Variants in PARD3 observed in about 807,000 individuals in gnomAD.
PARD3 encodes the protein par-3 family cell polarity regulator, also known as partitioning defective 3 homolog.
PARD3 carries 75 observed loss-of-function variants against 155.4 expected under a neutral mutation model. The observed-to-expected ratio is 0.48, with a 90% CI of 0.40 to 0.58. The LOEUF is 0.58. Among genes scored for constraint, PARD3 ranks in the 20% least tolerant of loss-of-function variants. The pLI is 0.00. For missense variants in PARD3, 1,642 were observed against 1,721.7 expected, an observed-to-expected ratio of 0.95 and a Z score of 0.82; for synonymous variants, 576 against 610.5, an observed-to-expected ratio of 0.94 and a Z score of 0.83.
intron 2 of PARD3, among the ~76,000 whole-genome samples, chr10:34,657,401 A>G (rs1356139772): frequency 6.6e-6 from 1 of 152,224 alleles, no homozygotes; most frequent in South Asian, 2.1e-4. Context: ...CCAAAAAAAA[A>G]GTCTACTTCG....
In PARD3 at chr10:34,797,204, G is replaced by A. The variant is rs1842361878; in HGVS notation, c.120+17672C>T. On this transcript the variant is annotated intron_variant, in intron 1 of 24. Transcript: ENST00000374788. Reference sequence around the variant, plus strand: ...CTTGCTCTGTCACCCAGGCTGCAGTGCAGGGGCACAACCATAACTGACTGC... The same window carrying A: ...CTTGCTCTGTCACCCAGGCTGCAGTACAGGGGCACAACCATAACTGACTGC... Among the ~76,000 whole-genome samples, 3 of 152,184 alleles carry A rather than the reference G, an allele frequency of 2.0e-5. No homozygotes were observed. In the South Asian group the frequency reaches 6.2e-4, roughly 32 times the overall value.
chr10:34,115,161 T>G (rs1034935504), intron 24 of PARD3, among the ~76,000 whole-genome samples: 17 of 151,768 alleles, frequency 1.1e-4, no homozygotes, highest in African/African-American at 3.9e-4. Flanking sequence ...AGTTGGGAAG[T>G]AGATTGGAGA....
intron 2 of PARD3, among the ~76,000 whole-genome samples, chr10:34,674,478 A>ATT (rs11402018): frequency 0.015 from 1,225 of 79,508 alleles, 101 homozygotes; most frequent in South Asian, 0.042. Flanking sequence ...CACGCTCTTG[A>ATT]TTTTTTTTTT....
chr10:34,259,221 G>A (rs987492280), intron 22 of PARD3, among the ~76,000 whole-genome samples: 3 of 152,112 alleles, frequency 2.0e-5, no homozygotes, highest in African/African-American at 2.4e-5. Context: ...ACAAATACAC[G>A]ATGGGTACTG....
At chr10:34,550,549 C>G (rs2084464721) in intron 2 of PARD3, among the ~76,000 whole-genome samples, 1 of 151,904 alleles carries the variant, frequency 6.6e-6, no homozygotes, top group South Asian at 2.1e-4. Flanking sequence ...CCTTTACCAC[C>G]TAGAAAAAAA....
intron 18 of PARD3, among the ~76,000 whole-genome samples, chr10:34,335,785 T>G (rs557712979): frequency 1.8e-4 from 27 of 152,082 alleles, no homozygotes; most frequent in Non-Finnish European, 3.5e-4. Context: ...ATTGGCACTA[T>G]TATCTTTCAA....
chr10:34,747,511 T>C (rs999917224), intron 1 of PARD3, among the ~76,000 whole-genome samples: 3 of 152,192 alleles, frequency 2.0e-5, no homozygotes, highest in South Asian at 2.1e-4. Flanking sequence ...ATCCTCATAG[T>C]GGTAACTTTT....
At chr10:34,423,103 A>T (rs2075405585) in intron 5 of PARD3, among the ~76,000 whole-genome samples, 1 of 152,178 alleles carries the variant, frequency 6.6e-6, no homozygotes, top group South Asian at 2.1e-4. Context: ...AGATACATAC[A>T]TACACAAACA....
At chr10:34,590,154 T>C (rs1434883297) in intron 2 of PARD3, among the ~76,000 whole-genome samples, 5 of 152,166 alleles carry the variant, frequency 3.3e-5, no homozygotes, top group Non-Finnish European at 7.3e-5. Context: ...TCTCTTTCAC[T>C]GCAAATGGGC....
chr10:34,295,181 T>A (rs1589086385), intron 20 of PARD3, among the ~76,000 whole-genome samples: 1 of 152,210 alleles, frequency 6.6e-6, no homozygotes, highest in African/African-American at 2.4e-5. Context: ...AAATATTATT[T>A]ACGACTCAAC....
At chr10:34,123,709 T>C (rs1326877552) in intron 23 of PARD3, among the ~76,000 whole-genome samples, 1 of 152,182 alleles carries the variant, frequency 6.6e-6, no homozygotes, top group Non-Finnish European at 1.5e-5. Flanking sequence ...TGCTGGAGAT[T>C]ACATGCTTGT....
chr10:34,668,392 C>CA (rs2093541536), intron 2 of PARD3, among the ~76,000 whole-genome samples: 1 of 152,160 alleles, frequency 6.6e-6, no homozygotes, highest in Non-Finnish European at 1.5e-5. Context: ...CTGCTCAGTG[C>CA]AACTGAATCA....
At chr10:34,383,989 A>G in intron 8 of PARD3, 140 bp downstream of exon 8, 1 of 762,338 alleles carries the variant, frequency 1.3e-6, no homozygotes. Flanking sequence ...GTATGTTTAA[A>G]TTTTTAAAAG....
At chr10:34,381,104 T>C (rs1841776608) in intron 9 of PARD3, among the ~76,000 whole-genome samples, 1 of 152,078 alleles carries the variant, frequency 6.6e-6, no homozygotes, top group Non-Finnish European at 1.5e-5. Context: ...AATAAGAAAC[T>C]TGAGGTTCAC....
chr10:34,263,660 AAAG>A (rs1344513496), intron 22 of PARD3, among the ~76,000 whole-genome samples: 1 of 152,036 alleles, frequency 6.6e-6, no homozygotes, highest in Non-Finnish European at 1.5e-5. Flanking sequence ...CAAAGAAAAA[AAAG>A]AAGAGCCCAG....
chr10:34,745,103 TG>T (rs1190686049), intron 1 of PARD3, among the ~76,000 whole-genome samples: 1 of 152,190 alleles, frequency 6.6e-6, no homozygotes, highest in East Asian at 1.9e-4. Flanking sequence ...GGCTCACACC[TG>T]TAATGTCAGT....
intron 2 of PARD3, among the ~76,000 whole-genome samples, chr10:34,601,793 A>G (rs1046556845): frequency 6.6e-5 from 10 of 152,172 alleles, no homozygotes; most frequent in African/African-American, 2.4e-4. Flanking sequence ...ACTTATTTCC[A>G]TTCTGTCATT....
intron 2 of PARD3, among the ~76,000 whole-genome samples, chr10:34,644,129 A>G (rs2092763356): frequency 6.6e-6 from 1 of 152,202 alleles, no homozygotes; most frequent in Non-Finnish European, 1.5e-5. Context: ...TACAACACAG[A>G]AGAGACTAGA....
At chr10:34,370,346 C>G (rs906528832) in intron 12 of PARD3, among the ~76,000 whole-genome samples, 1 of 152,138 alleles carries the variant, frequency 6.6e-6, no homozygotes, top group African/African-American at 2.4e-5. Context: ...TAACAGAATA[C>G]CACATCAAAA....
Sources: gnomAD v4.1 joint callset for allele counts (sites outside exome capture counted in the v4.1 genomes callset) on GRCh38, gnomAD v4.1.1 for gene constraint, MANE v1.5 for transcripts, NCBI Gene and HGNC (gene_info 2026-07-23, HGNC 2026-07-21) for gene names.